The following THADA variants were observed in gnomAD, a reference collection of about 807,000 sequenced individuals.
THADA encodes the protein tRNA (32-2'-O)-methyltransferase regulator THADA.
A neutral mutation model predicts 219.8 loss-of-function variants in THADA; 213 were observed. That is an observed-to-expected ratio of 0.97 (90% CI 0.87 to 1.09). The LOEUF is 1.09. Among genes scored for constraint, THADA ranks in the 50% least tolerant of loss-of-function variants. The probability of loss-of-function intolerance (pLI) is 0.00; values close to 1 mark genes in which losing one functional copy is unlikely to be tolerated. For missense variants in THADA, 2,956 were observed against 2,311.3 expected, an observed-to-expected ratio of 1.28 and a Z score of -5.72; for synonymous variants, 1,018 against 828.9, an observed-to-expected ratio of 1.23 and a Z score of -3.92.
chr2:43,552,990 A>G (rs1006226275), intron 17 of THADA, among the ~76,000 whole-genome samples: 4 of 152,188 alleles, frequency 2.6e-5, no homozygotes, highest in Non-Finnish European at 5.9e-5. Flanking sequence ...GAATCATACA[A>G]TATGCGATCT....
rs1465444757 is a variant in THADA at position 43,507,485 on chromosome 2, ACAGAATGGGT to A, written c.3507+1153_3507+1162del. On this transcript the variant is annotated intron_variant, in intron 23 of 37. Transcript: ENST00000405975. ...AGGCAGGAGAATGAAACACACTGAT[ACAGAATGGGT>A]CAGATCAAATAAAAGTTGATTTCTG... is the stretch of plus-strand genomic sequence containing the variant. Among the ~76,000 whole-genome samples the A allele has an allele frequency of 6.6e-5, 10 of 152,298 alleles. No individual in the cohort carries two copies. The East Asian group carries it at 1.9e-3, about 29-fold the overall frequency.
At chr2:43,509,396 T>C (rs890144804) in intron 22 of THADA, among the ~76,000 whole-genome samples, 2 of 152,202 alleles carry the variant, frequency 1.3e-5, no homozygotes, top group South Asian at 2.1e-4. Context: ...CATTTAATTT[T>C]TATAAAATTT....
intron 26 of THADA, among the ~76,000 whole-genome samples, chr2:43,431,344 A>G (rs1410432524): frequency 6.6e-6 from 1 of 152,164 alleles, no homozygotes; most frequent in Non-Finnish European, 1.5e-5. Flanking sequence ...TCATCCCATA[A>G]AGATCCCCCA....
chr2:43,585,731 T>A (rs1700954476), intron 7 of THADA, among the ~76,000 whole-genome samples: 1 of 152,026 alleles, frequency 6.6e-6, no homozygotes. Flanking sequence ...AAAACTATCA[T>A]GAATATATCC....
At chr2:43,541,762 G>A (rs1157087190) in intron 20 of THADA, among the ~76,000 whole-genome samples, 3 of 152,028 alleles carry the variant, frequency 2.0e-5, no homozygotes, top group Non-Finnish European at 4.4e-5. Flanking sequence ...CCAAAGTGCT[G>A]GGATTATAGA....
At chr2:43,350,985 G>A (rs1668190045) in intron 29 of THADA, among the ~76,000 whole-genome samples, 1 of 152,180 alleles carries the variant, frequency 6.6e-6, no homozygotes, top group Admixed American at 6.5e-5. Context: ...GGACTACAGT[G>A]TACAAAAACA....
intron 23 of THADA, 138 bp from the exon 24 acceptor site, chr2:43,505,873 T>G: frequency 1.5e-6 from 1 of 650,582 alleles, no homozygotes; most frequent in Admixed American, 2.7e-5. Flanking sequence ...TTAAGCCATG[T>G]GGCCGTGGGC....
In THADA at chr2:43,574,683, A is replaced by T; in HGVS notation, c.1382T>A (p.Leu461Ter). 6.2e-7 allele frequency: 1 copy of T among 1,614,068 alleles called. No individual in the cohort carries two copies. The highest frequency in any genetic ancestry group is 8.5e-7 in the Non-Finnish European group (1 of 1,179,898). Residue 461 changes from leucine (L) to a stop codon, truncating the protein, a stop_gained, in exon 11 of 38, where the codon TTG becomes TAG. Transcript: ENST00000405975. LOFTEE classifies it high-confidence loss of function. ...IKGKYTCLGC[L>*]VECIGVEHIL... ...ATGTTCAACTCCTATGCACTCTACC[A>T]AACAACCAAGGCACGTGTACTTTCC...
chr2:43,561,341 G>T (rs1698044862), intron 15 of THADA, among the ~76,000 whole-genome samples: 1 of 152,140 alleles, frequency 6.6e-6, no homozygotes. Context: ...TAATATGCAA[G>T]AAATTAAGAA....
rs1275287798 is a variant in THADA at position 43,515,220 on chromosome 2, TTA to T, written c.3375-6442_3375-6441del. Among the ~76,000 whole-genome samples the T allele has an allele frequency of 8.2e-4, 35 of 42,616 alleles. 1 individual carries two copies. Among genetic ancestry groups the T allele is most frequent in the Non-Finnish European group, 1.3e-3 (33 of 25,608 alleles). 28.0% of individuals were successfully genotyped at this position (42,616 alleles called of 152,430 possible). On this transcript the variant is annotated intron_variant, in intron 22 of 37. Transcript: ENST00000405975. ...TATATAATATATAATATATAATATA[TTA>T]TATATAATATATAATATATAATATA...
rs755648146 is a variant in THADA, at chr2:43,320,492, G to A, written c.4392C>T (p.Phe1464=). The change falls in exon 31 of 38, where the codon TTC becomes TTT. Residue 1464 remains phenylalanine, a synonymous_variant. Transcript: ENST00000405975. ...VTRAVYIDIL[F]LLTCCLNRSA... ...ATCTGTTGAGGCAGCAAGTCAATAG[G>A]AAGAGAATATCAATATATACAGCTC... 22 of 1,613,602 alleles carry A rather than the reference G, an allele frequency of 1.4e-5. No individual in the cohort carries two copies. The highest frequency in any genetic ancestry group is 1.7e-5 in the Non-Finnish European group (20 of 1,179,750).
intron 28 of THADA, among the ~76,000 whole-genome samples, chr2:43,402,855 G>T (rs1159376612): frequency 2.0e-5 from 3 of 152,184 alleles, no homozygotes; most frequent in African/African-American, 7.2e-5. Flanking sequence ...CTGCCTAAGT[G>T]GGGAGAGGCG....
At chr2:43,524,947 C>G (rs1692970950) in intron 22 of THADA, among the ~76,000 whole-genome samples, 1 of 152,158 alleles carries the variant, frequency 6.6e-6, no homozygotes, top group Non-Finnish European at 1.5e-5. Context: ...CTTTCATGCT[C>G]TCCACCAAAG....
intron 30 of THADA, among the ~76,000 whole-genome samples, chr2:43,322,384 T>G (rs59803703): frequency 0.27 from 40,697 of 151,322 alleles, 6,163 homozygotes; most frequent in African/African-American, 0.41. Context: ...GGCGCCTGTA[T>G]TCCCAGCTAC....
chr2:43,231,054 G>A lies in THADA; in HGVS notation c.5756C>T (p.Ala1919Val). The A allele has an allele frequency of 6.2e-7, 1 of 1,613,820 alleles. No individual in the cohort carries two copies. Among genetic ancestry groups the A allele is most frequent in the South Asian group, 1.1e-5 (1 of 91,074 alleles). ...ERTLACLRLL[A>V]FLEGKEGEDT... is the part of the protein sequence containing the mutation. The stretch of plus-strand genomic sequence containing the variant: ...TTCCCCTTCCTTTCCTTCCAAAAAG[G>A]CCAGCAGCCTCAAGCAAGCCAAAGT... The change falls in exon 38 of 38, where the codon GCC (alanine) becomes GTC (valine). Residue 1919 changes from alanine (A) to valine (V), a missense_variant. Ala to Val is a moderately conservative substitution (Grantham distance 64). Coordinates refer to ENST00000405975, the MANE Select transcript of THADA (RefSeq NM_022065.5).
chr2:43,324,353 A>C (rs1679086894), intron 30 of THADA, among the ~76,000 whole-genome samples: 2 of 152,152 alleles, frequency 1.3e-5, no homozygotes, highest in African/African-American at 2.4e-5. Context: ...TGCTCCCACA[A>C]CTGTGAGGCT....
intron 17 of THADA, among the ~76,000 whole-genome samples, chr2:43,555,940 G>C (rs1382373594): frequency 3.3e-5 from 5 of 152,114 alleles, no homozygotes; most frequent in African/African-American, 2.4e-5. Flanking sequence ...TATTTGGGAA[G>C]AGTAAAAGGC....
intron 36 of THADA, among the ~76,000 whole-genome samples, chr2:43,245,569 T>C (rs1250767232): frequency 2.0e-5 from 3 of 152,180 alleles, no homozygotes; most frequent in East Asian, 1.9e-4. Flanking sequence ...CTGGCCCTCA[T>C]TGTCACCTGC....
At chr2:43,293,249 T>C in intron 31 of THADA, 36 bp from the exon 32 acceptor site, 2 of 1,566,314 alleles carry the variant, frequency 1.3e-6, no homozygotes, top group African/African-American at 1.4e-5. Context: ...AAAGAGATAA[T>C]CACTTTAAAT....
Sources: allele counts gnomAD v4.1 joint callset (sites outside exome capture counted in the v4.1 genomes callset), GRCh38; gene constraint gnomAD v4.1.1; transcripts MANE v1.5; gene names NCBI Gene and HGNC (gene_info 2026-07-23, HGNC 2026-07-21).